The following ABCC12 variants were observed in gnomAD, a reference collection of about 807,000 sequenced individuals.
ABCC12 encodes ATP binding cassette subfamily C member 12, also known as ATP-binding cassette sub-family C member 12.
Under a neutral mutation model 151.1 loss-of-function variants are expected in ABCC12, and 142 were observed. That is an observed-to-expected ratio of 0.94 (90% CI 0.82 to 1.08). ABCC12 has a LOEUF of 1.08. ABCC12 is among the 50% of genes least tolerant of loss of function. The probability of loss-of-function intolerance (pLI) is 0.00; values close to 1 mark genes in which losing one functional copy is unlikely to be tolerated. For synonymous variants in ABCC12, 645 were observed against 646.4 expected, an observed-to-expected ratio of 1.00 and a Z score of 0.03; for missense variants, 1,638 against 1,691.1, an observed-to-expected ratio of 0.97 and a Z score of 0.55.
intron 18 of ABCC12, among the ~76,000 whole-genome samples, chr16:48,108,865 G>A (rs1765329917): frequency 6.6e-6 from 1 of 152,162 alleles, no homozygotes. Context: ...AGGTTTATTT[G>A]GGAGCTAAAG....
chr16:48,095,430 C>T (rs1963062867), intron 24 of ABCC12, among the ~76,000 whole-genome samples: 1 of 152,146 alleles, frequency 6.6e-6, no homozygotes, highest in African/African-American at 2.4e-5. Flanking sequence ...TGAGAACTAA[C>T]ACACTAATTA....
Position 48,146,425 on chromosome 16 carries a change from C to A in ABCC12, c.-1G>T. On this transcript the variant is annotated 5_prime_UTR_variant, in exon 3 of 31. Coordinates refer to ENST00000311303, the MANE Select transcript of ABCC12 (RefSeq NM_001393797.1). Reference sequence around the variant, plus strand: ...TAAGGTAGGGTCCTTCACCCACCATCCTGATGGCAGCCTGGAGCCCTGGGC... The same window carrying A: ...TAAGGTAGGGTCCTTCACCCACCATACTGATGGCAGCCTGGAGCCCTGGGC... 13 of 1,613,744 alleles carry A rather than the reference C, an allele frequency of 8.1e-6. No individual in the cohort carries two copies. Among genetic ancestry groups the A allele is most frequent in the Non-Finnish European group, 1.0e-5 (12 of 1,179,632 alleles).
intron 8 of ABCC12, 44 bp from the exon 9 acceptor site, chr16:48,133,879 C>T (rs776009940): frequency 1.1e-5 from 18 of 1,608,390 alleles, no homozygotes; most frequent in East Asian, 2.2e-5. Context: ...TTTTGCATGT[C>T]GAACACTAGC....
At chr16:48,111,266 A>T (rs1963676135) in intron 18 of ABCC12, among the ~76,000 whole-genome samples, 170 bp downstream of exon 18, 1 of 152,206 alleles carries the variant, frequency 6.6e-6, no homozygotes. Context: ...TAAGTGGTGG[A>T]GCCAAAATTT....
rs983638793 is a variant in ABCC12, at chr16:48,146,184, G to A, written c.119+122C>T. ...TAAATGAATGAACGTGTGCATGGGTGGACGGACAAAAGGACGAGCAGATAG... is the reference window on the plus strand; with the variant it reads ...TAAATGAATGAACGTGTGCATGGGTAGACGGACAAAAGGACGAGCAGATAG... On this transcript the variant is annotated intron_variant, in intron 3 of 30. Coordinates refer to ENST00000311303, the MANE Select transcript of ABCC12 (RefSeq NM_001393797.1). 8 of 841,742 alleles carry A rather than the reference G, an allele frequency of 9.5e-6. No individual in the cohort carries two copies. The African/African-American group carries it at 1.3e-4, about 14-fold the overall frequency. The allele number at this position is 841,742 out of a possible 1,614,324, so 52.1% of individuals were successfully genotyped here. A position where few individuals can be genotyped will look rare whatever the true frequency, so the allele number is the denominator to read the frequency against.
chr16:48,136,037 TGA>T (rs559769911), intron 8 of ABCC12, among the ~76,000 whole-genome samples: 74 of 152,228 alleles, frequency 4.9e-4, no homozygotes, highest in Admixed American at 9.2e-4. Context: ...CACTGCATGA[TGA>T]GAGAGAGTCT....
Position 48,143,937 on chromosome 16 carries a change from T to C in ABCC12, c.248A>G (p.Tyr83Cys). The stretch of plus-strand genomic sequence containing the variant: ...TTTGGCATTGGTGTCAGATGAGTCA[T>C]ATGTCGACAATGGGGGCAGGGTGTC... ...TVDTLPPLST[Y>C]DSSDTNAKRF... Residue 83 changes from tyrosine to cysteine, a missense_variant, in exon 4 of 31, where the codon TAT becomes TGT. Physicochemically the swap from Tyr to Cys is radical, Grantham distance 194 (BLOSUM62 -2). Coordinates refer to ENST00000311303, the MANE Select transcript of ABCC12 (RefSeq NM_001393797.1). 3.7e-6 allele frequency: 6 copies of C among 1,614,156 alleles called. No individual in the cohort carries two copies. The highest frequency in any genetic ancestry group is 5.1e-6 in the Non-Finnish European group (6 of 1,180,006).
Position 48,146,373 on chromosome 16 carries a change from G to A in ABCC12, c.52C>T (p.Arg18Trp), listed in dbSNP as rs138774498. Residue 18 changes from arginine to tryptophan, a missense_variant, in exon 3 of 31, where the codon CGG (arginine) becomes TGG (tryptophan). Physicochemically the swap from Arg to Trp is moderately radical, Grantham distance 101. Coordinates refer to ENST00000311303, the MANE Select transcript of ABCC12 (RefSeq NM_001393797.1). ...TCATATCTTTCTGCAAAGGATCTCC[G>A]CCGGCCTCGCTGGTCCAGATCTGAG... ...LISDLDQRGR[R>W]RSFAERYDPS... 146 of 1,614,116 alleles carry A rather than the reference G, an allele frequency of 9.0e-5. No homozygotes were observed. The Middle Eastern group carries it at 2.0e-3, about 22-fold the overall frequency.
chr16:48,143,538 TGGC>T (rs1346691948), intron 4 of ABCC12, among the ~76,000 whole-genome samples: 1 of 152,248 alleles, frequency 6.6e-6, no homozygotes, highest in Admixed American at 6.5e-5. Flanking sequence ...TGATACAGTT[TGGC>T]TGTGTCCCCA....
chr16:48,153,107 A>G (rs879678483), intron 2 of ABCC12, among the ~76,000 whole-genome samples: 3 of 152,236 alleles, frequency 2.0e-5, no homozygotes, highest in Non-Finnish European at 4.4e-5. Flanking sequence ...TGCTCTAAAA[A>G]AATAAAAATA....
intron 19 of ABCC12, among the ~76,000 whole-genome samples, 187 bp from the exon 20 acceptor site, chr16:48,107,612 T>C (rs1455276251): frequency 6.6e-6 from 1 of 152,242 alleles, no homozygotes; most frequent in African/African-American, 2.4e-5. Flanking sequence ...TGGGGACATC[T>C]GTTCTACCTG....
In ABCC12 at chr16:48,104,100, G is replaced by T. The variant is rs201238163; in HGVS notation, c.2900+42C>A. On this transcript the variant is annotated intron_variant, in intron 22 of 30. Coordinates refer to ENST00000311303, the MANE Select transcript of ABCC12 (RefSeq NM_001393797.1). ...ATATCACCTGATACCCAGTCAGTGTGTGTGTGTATCGTTTTCTCGTGTAAA... is the reference window on the plus strand; with the variant it reads ...ATATCACCTGATACCCAGTCAGTGTTTGTGTGTATCGTTTTCTCGTGTAAA... 3.4e-5 allele frequency: 54 copies of T among 1,574,146 alleles called. No individual in the cohort carries two copies. In the Admixed American group the frequency reaches 7.3e-4, roughly 21 times the overall value.
At chr16:48,138,099 C>A in intron 8 of ABCC12, 129 bp downstream of exon 8, 1 of 965,774 alleles carries the variant, frequency 1.0e-6, no homozygotes, top group Non-Finnish European at 1.4e-6. Context: ...AATTCTTTGA[C>A]CTGCAGAGCA....
chr16:48,143,247 G>A (rs1193506505), intron 4 of ABCC12, among the ~76,000 whole-genome samples: 1 of 152,148 alleles, frequency 6.6e-6, no homozygotes. Context: ...GTCCTGATGC[G>A]GTGCCCCTGC....
intron 29 of ABCC12, 33 bp from the exon 30 acceptor site, chr16:48,084,106 G>A (rs371177642): frequency 3.0e-5 from 47 of 1,567,518 alleles, no homozygotes; most frequent in African/African-American, 9.7e-5. Context: ...AGCCAAAGGC[G>A]CACTGAGAGG....
chr16:48,130,763 C>T, intron 10 of ABCC12, 25 bp downstream of exon 10: 1 of 1,544,082 alleles, frequency 6.5e-7, no homozygotes, highest in Non-Finnish European at 9.0e-7. Context: ...ATCTCTCTTC[C>T]CTACTCACCC....
intron 2 of ABCC12, chr16:48,146,715 A>G: frequency 3.4e-6 from 1 of 294,726 alleles, no homozygotes; most frequent in Non-Finnish European, 6.3e-6. Flanking sequence ...GGGTTGGCCA[A>G]GAGCAGAAAA....
At chr16:48,106,357 C>T (rs992838239) in intron 20 of ABCC12, among the ~76,000 whole-genome samples, 4 of 151,974 alleles carry the variant, frequency 2.6e-5, no homozygotes, top group African/African-American at 9.7e-5. Context: ...GTCCAGGGCA[C>T]CAGGCGCAAA....
intron 24 of ABCC12, among the ~76,000 whole-genome samples, chr16:48,091,972 G>T (rs1962916797): frequency 6.6e-6 from 1 of 152,178 alleles, no homozygotes; most frequent in African/African-American, 2.4e-5. Flanking sequence ...AAGAGACAGA[G>T]GAGAAGTCAC....
Sources: gnomAD v4.1 joint callset for allele counts (sites outside exome capture counted in the v4.1 genomes callset) on GRCh38, gnomAD v4.1.1 for gene constraint, MANE v1.5 for transcripts, NCBI Gene and HGNC (gene_info 2026-07-23, HGNC 2026-07-21) for gene names.